Variants in IL1RAPL2 observed in about 807,000 individuals in gnomAD.
IL1RAPL2 encodes X-linked interleukin-1 receptor accessory protein-like 2.
A neutral mutation model predicts 44.1 loss-of-function variants in IL1RAPL2; 3 were observed. The observed-to-expected ratio is 0.07, with a 90% CI of 0.03 to 0.18. The LOEUF (loss-of-function observed/expected upper bound fraction) is 0.18. Among genes scored for constraint, IL1RAPL2 ranks in the 10% least tolerant of loss-of-function variants. The probability of loss-of-function intolerance (pLI) is 1.00; values close to 1 mark genes in which losing one functional copy is unlikely to be tolerated. For synonymous variants in IL1RAPL2, 181 were observed against 178.8 expected, an observed-to-expected ratio of 1.01 and a Z score of -0.10; for missense variants, 391 against 496.4, an observed-to-expected ratio of 0.79 and a Z score of 2.02.
At chrX:105,426,461 A>G (rs1027675018) in intron 5 of IL1RAPL2, among the ~76,000 whole-genome samples, 1 of 111,120 alleles carries the variant, frequency 9.0e-6, no homozygotes, top group Middle Eastern at 4.2e-3. Flanking sequence ...ACCTACATGA[A>G]AACTTCTTGG....
intron 1 of IL1RAPL2, among the ~76,000 whole-genome samples, chrX:104,607,301 G>A (rs957228409): frequency 9.0e-6 from 1 of 111,694 alleles, no homozygotes; most frequent in Non-Finnish European, 1.9e-5. Flanking sequence ...AGAAAACCTG[G>A]GCAGTACCAT....
At chrX:105,079,929 A>G (rs993315553) in intron 2 of IL1RAPL2, among the ~76,000 whole-genome samples, 10 of 111,850 alleles carry the variant, frequency 8.9e-5, no homozygotes, top group Non-Finnish European at 1.9e-4. Context: ...TGTGGTTTGG[A>G]TTTACATTTC....
chrX:104,634,555 T>C (rs1379874305), intron 1 of IL1RAPL2, among the ~76,000 whole-genome samples: 1 of 112,165 alleles, frequency 8.9e-6, no homozygotes, highest in African/African-American at 3.2e-5. Flanking sequence ...ATATTTAGGA[T>C]AGTTAGCTCT....
At chrX:104,652,779 GGA>G (rs1423364241) in intron 1 of IL1RAPL2, among the ~76,000 whole-genome samples, 1 of 111,475 alleles carries the variant, frequency 9.0e-6, no homozygotes, top group African/African-American at 3.3e-5. Flanking sequence ...TCAGATATTA[GGA>G]GAGTCTCATG....
chrX:105,236,460 A>T (rs2034120781), intron 4 of IL1RAPL2, among the ~76,000 whole-genome samples: 1 of 112,451 alleles, frequency 8.9e-6, no homozygotes, highest in Non-Finnish European at 1.9e-5. Context: ...TAGGTGCATG[A>T]GATAGATTAA....
chrX:105,745,864 G>A (rs750700908), intron 8 of IL1RAPL2, among the ~76,000 whole-genome samples: 11 of 110,666 alleles, frequency 9.9e-5, no homozygotes, highest in Non-Finnish European at 5.7e-5. Flanking sequence ...TAAATTTTTT[G>A]TAGAGACAGG....
intron 2 of IL1RAPL2, among the ~76,000 whole-genome samples, chrX:104,753,413 T>C (rs1932294506): frequency 9.0e-6 from 1 of 110,927 alleles, no homozygotes; most frequent in Admixed American, 9.6e-5. Flanking sequence ...CCAAACCAAG[T>C]ATGGGACCTC....
At chrX:105,397,686 G>T (rs1374217565) in intron 5 of IL1RAPL2, among the ~76,000 whole-genome samples, 1 of 110,986 alleles carries the variant, frequency 9.0e-6, no homozygotes, top group Admixed American at 9.6e-5. Context: ...CAGCAGAGTA[G>T]GAGGTATTTG....
chrX:105,420,138 G>T (rs2035763911), intron 5 of IL1RAPL2, among the ~76,000 whole-genome samples: 1 of 109,533 alleles, frequency 9.1e-6, no homozygotes, highest in South Asian at 3.9e-4. Context: ...GAAGTTCTTT[G>T]GTTCACTGAT....
At position 105,021,168 on chromosome X, in the gene IL1RAPL2, T is replaced by C. The variant is rs1235556720; in HGVS notation, c.83-174307T>C. Reference sequence around the variant, plus strand: ...ACTTAAGTGAAAGTTCTGGTTTGCATCCAATTGTAATGCAAGGTCAGGGTC... The same window carrying C: ...ACTTAAGTGAAAGTTCTGGTTTGCACCCAATTGTAATGCAAGGTCAGGGTC... On this transcript the variant is annotated intron_variant, in intron 2 of 10. Transcript: ENST00000372582. Among the ~76,000 whole-genome samples the C allele has an allele frequency of 3.6e-5, 4 of 111,588 alleles. No individual in the cohort carries two copies. In the East Asian group the frequency reaches 1.1e-3, roughly 32 times the overall value.
chrX:104,732,850 T>C (rs1329487446), intron 2 of IL1RAPL2, among the ~76,000 whole-genome samples: 1 of 111,719 alleles, frequency 9.0e-6, no homozygotes, highest in Admixed American at 9.5e-5. Flanking sequence ...TTACCTCACA[T>C]ACATGGCAGC....
intron 2 of IL1RAPL2, among the ~76,000 whole-genome samples, chrX:104,839,690 G>A (rs1301505840): frequency 8.9e-6 from 1 of 111,757 alleles, no homozygotes; most frequent in African/African-American, 3.3e-5. Flanking sequence ...ACGTCTGGTA[G>A]AATTCAACTG....
chrX:105,522,422 C>T (rs2036566140), intron 6 of IL1RAPL2, among the ~76,000 whole-genome samples: 1 of 112,301 alleles, frequency 8.9e-6, no homozygotes, highest in South Asian at 3.6e-4. Context: ...TATTTAGAAA[C>T]AAGTAAAATG....
chrX:105,141,464 A>C (rs755197587), intron 2 of IL1RAPL2, among the ~76,000 whole-genome samples: 1 of 111,456 alleles, frequency 9.0e-6, no homozygotes, highest in African/African-American at 3.3e-5. Context: ...TATGTGTAGC[A>C]CTAAAGGCAC....
intron 2 of IL1RAPL2, among the ~76,000 whole-genome samples, chrX:104,902,838 A>G (rs1923859123): frequency 8.9e-6 from 1 of 111,823 alleles, no homozygotes; most frequent in South Asian, 3.7e-4. Flanking sequence ...TTCTAGTGAG[A>G]AAGGCATTAG....
At chrX:104,775,122 C>T (rs1286601931) in intron 2 of IL1RAPL2, among the ~76,000 whole-genome samples, 3 of 112,455 alleles carry the variant, frequency 2.7e-5, no homozygotes, top group African/African-American at 9.7e-5. Context: ...AAAGTTAGTG[C>T]TCAATTGTGA....
chrX:105,342,797 T>G lies in IL1RAPL2; in HGVS notation c.697+75256T>G, dbSNP rs188256768. ...AAGACACAGCAGACCATTTATTGAT[T>G]AATGAGAAATAAGAAGCATGTTGCA... On this transcript the variant is annotated intron_variant, in intron 5 of 10. Coordinates refer to ENST00000372582, the MANE Select transcript of IL1RAPL2 (RefSeq NM_017416.2). 5.9e-3 allele frequency among the ~76,000 whole-genome samples: 661 copies of G among 111,983 alleles called. 2 individuals are homozygous for G. Among genetic ancestry groups the G allele is most frequent in the African/African-American group, 0.02 (631 of 30,836 alleles).
rs754470728 is a variant in IL1RAPL2 at position 104,906,495 on chromosome X, C to A, written c.82+247500C>A. 3.1e-3 allele frequency among the ~76,000 whole-genome samples: 340 copies of A among 111,433 alleles called. 2 individuals carry two copies. Among genetic ancestry groups the A allele is most frequent in the African/African-American group, 0.01 (313 of 30,686 alleles). ...ATAACGTCCCATCAATACCTAATTT[C>A]TTGAGAGTTTTTAGCATGAAGGGTT... is the stretch of plus-strand genomic sequence containing the variant. On this transcript the variant is annotated intron_variant, in intron 2 of 10. Transcript: ENST00000372582.
rs142406283 is a variant in IL1RAPL2, at chrX:105,203,089, G to T, written c.356+7341G>T. Among the ~76,000 whole-genome samples, 939 of 111,397 alleles carry T rather than the reference G, an allele frequency of 8.4e-3. 7 individuals carry two copies. Among genetic ancestry groups the T allele is most frequent in the South Asian group, 0.014 (36 of 2,631 alleles). On this transcript the variant is annotated intron_variant, in intron 3 of 10. Coordinates refer to ENST00000372582, the MANE Select transcript of IL1RAPL2 (RefSeq NM_017416.2). Reference sequence around the variant, plus strand: ...CAGGAAAAAAACTTCCACTACATCTGCCCACCTACTGGCATCTATACCTAC... The same window carrying T: ...CAGGAAAAAAACTTCCACTACATCTTCCCACCTACTGGCATCTATACCTAC...
Sources: gnomAD v4.1 joint callset for allele counts (sites outside exome capture counted in the v4.1 genomes callset) on GRCh38, gnomAD v4.1.1 for gene constraint, MANE v1.5 for transcripts, NCBI Gene and HGNC (gene_info 2026-07-23, HGNC 2026-07-21) for gene names.